The following FCHO1 variants were observed in gnomAD, a reference collection of about 807,000 sequenced individuals.
The protein encoded by FCHO1 is FCH and mu domain containing endocytic adaptor 1.
Under a neutral mutation model 114.4 loss-of-function variants are expected in FCHO1, and 45 were observed. That is an observed-to-expected ratio of 0.39 (90% CI 0.31 to 0.50). FCHO1 has a LOEUF of 0.50. Among genes scored for constraint, FCHO1 ranks in the 20% least tolerant of loss-of-function variants. The pLI, the probability that FCHO1 is intolerant of heterozygous loss-of-function variation, is 0.77. For synonymous variants in FCHO1, 480 were observed against 488.9 expected (o/e 0.98, Z 0.24); for missense variants, 1,042 against 1,209.6 (o/e 0.86, Z 2.06).
chr19:17,772,026 G>T (rs760342521), intron 9 of FCHO1, among the ~76,000 whole-genome samples: 5 of 152,146 alleles, frequency 3.3e-5, no homozygotes, highest in Admixed American at 1.3e-4. Context: ...GCCCAGACTG[G>T]TCTTGAATTC....
At chr19:17,771,678 AAAAAT>A (rs1011177125) in intron 9 of FCHO1, among the ~76,000 whole-genome samples, 18 of 152,054 alleles carry the variant, frequency 1.2e-4, no homozygotes, top group Admixed American at 1.1e-3. Flanking sequence ...CAAAAAAATA[AAAAAT>A]AAAATAAAAA....
At chr19:17,748,839 C>T (rs59404354), upstream of FCHO1, among the ~76,000 whole-genome samples, 4,065 of 152,262 alleles carry the variant, frequency 0.027, 164 homozygotes, top group African/African-American at 0.092. Flanking sequence ...TCTGAACTCA[C>T]CCAGCCCACA....
intron 6 of FCHO1, among the ~76,000 whole-genome samples, chr19:17,765,066 G>GAA (rs574969255): frequency 5.5e-5 from 5 of 90,496 alleles, no homozygotes; most frequent in Non-Finnish European, 9.2e-5. Flanking sequence ...ACTCTGTTTT[G>GAA]AAAAAAAAAA....
At chr19:17,768,651 G>A (rs1006561950) in intron 7 of FCHO1, among the ~76,000 whole-genome samples, 2 of 148,930 alleles carry the variant, frequency 1.3e-5, no homozygotes, top group African/African-American at 2.5e-5. Flanking sequence ...TTGAGATCGC[G>A]ACACACCACT....
At chr19:17,756,489 G>A (rs1255483945) in intron 4 of FCHO1, among the ~76,000 whole-genome samples, 2 of 152,130 alleles carry the variant, frequency 1.3e-5, no homozygotes, top group Non-Finnish European at 2.9e-5. Flanking sequence ...AACCACCCCC[G>A]ACTTCCCCAC....
At chr19:17,786,509 G>A in intron 26 of FCHO1, 65 bp from the exon 27 acceptor site, 2 of 1,560,810 alleles carry the variant, frequency 1.3e-6, no homozygotes, top group Middle Eastern at 1.7e-4. Context: ...AGGCAGCTGA[G>A]GCAGGACCCT....
intron 11 of FCHO1, among the ~76,000 whole-genome samples, chr19:17,773,399 C>T (rs992303236): frequency 1.3e-5 from 2 of 152,240 alleles, no homozygotes; most frequent in Non-Finnish European, 2.9e-5. Context: ...ACAGTTACGT[C>T]CTCAAGTCTT....
At chr19:17,782,866 T>G (rs1599773288) in intron 23 of FCHO1, 151 bp from the exon 24 acceptor site, 8 of 783,934 alleles carry the variant, frequency 1.0e-5, no homozygotes, top group East Asian at 2.9e-5. Flanking sequence ...AAAGAGGAGG[T>G]TGGGGGAAAG....
chr19:17,785,917 C>T (rs2093841909), intron 26 of FCHO1, among the ~76,000 whole-genome samples: 1 of 151,704 alleles, frequency 6.6e-6, no homozygotes, highest in Non-Finnish European at 1.5e-5. Flanking sequence ...CACTTGAGCC[C>T]AGGAGTTGAG....
chr19:17,747,825 C>A (rs982887446), upstream of FCHO1: 1 of 152,148 alleles, frequency 6.6e-6, no homozygotes, highest in African/African-American at 2.4e-5. Context: ...GTGAGTGTTG[C>A]CCCCCGGAAC....
chr19:17,777,925 G>T (rs554907147), intron 18 of FCHO1, among the ~76,000 whole-genome samples: 48 of 152,314 alleles, frequency 3.2e-4, no homozygotes, highest in Non-Finnish European at 6.3e-4. Context: ...TGTAATCCCA[G>T]CTACTCTGGA....
rs759888511 is a variant in FCHO1 at position 17,767,563 on chromosome 19, T to TC, written c.336+753_336+754insC. On this transcript the variant is annotated intron_variant, in intron 7 of 28. Coordinates refer to ENST00000596536, the MANE Select transcript of FCHO1 (RefSeq NM_015122.3). ...GCCTAGGCAACAGAGAAAGACTGTC[T>TC]AAAAAAAAAAAAAAAAAAAACAAGA... Among the ~76,000 whole-genome samples, 1,010 of 114,286 alleles carry TC rather than the reference T, an allele frequency of 8.8e-3. 39 individuals are homozygous for TC. The highest frequency in any genetic ancestry group is 0.038 in the East Asian group (153 of 4,074). The allele number at this position is 114,286 out of a possible 152,430, so 75.0% of individuals were successfully genotyped here. A position where few individuals can be genotyped will look rare whatever the true frequency, so the allele number is the denominator to read the frequency against.
At chr19:17,766,125 T>C (rs994556505) in intron 6 of FCHO1, among the ~76,000 whole-genome samples, 2 of 151,106 alleles carry the variant, frequency 1.3e-5, no homozygotes, top group Non-Finnish European at 2.9e-5. Flanking sequence ...CTCCTGACCT[T>C]GTGATCTGCC....
chr19:17,763,422 T>C (rs1041013104), intron 5 of FCHO1, among the ~76,000 whole-genome samples: 5 of 151,588 alleles, frequency 3.3e-5, no homozygotes. Flanking sequence ...TGCCACCACG[T>C]CTGGCTAATT....
chr19:17,775,641 C>G lies in FCHO1; in HGVS notation c.1003+128C>G. 1.1e-6 allele frequency: 1 copy of G among 922,178 alleles called. No individual in the cohort carries two copies. The allele number at this position is 922,178 out of a possible 1,614,324, so 57.1% of individuals were successfully genotyped here. On this transcript the variant is annotated intron_variant, in intron 15 of 28. Coordinates refer to ENST00000596536, the MANE Select transcript of FCHO1 (RefSeq NM_015122.3). The surrounding 1 kb of genome is among the most constrained non-coding windows in gnomAD (Gnocchi z 5.1). ...GAGAGAGTCTCCTTTGTGGATGAAGCCAACCTAAATGTAAACACCCACTCT... is the reference window on the plus strand; with the variant it reads ...GAGAGAGTCTCCTTTGTGGATGAAGGCAACCTAAATGTAAACACCCACTCT...
At chr19:17,778,350 A>G (rs534535830) in intron 19 of FCHO1, 122 bp downstream of exon 19, 5 of 542,580 alleles carry the variant, frequency 9.2e-6, no homozygotes, top group South Asian at 6.6e-5. Context: ...TAGTCCGTGT[A>G]GGGGTGGGCG....
chr19:17,749,352 G>C (rs1019710015), upstream of FCHO1, among the ~76,000 whole-genome samples: 1 of 152,178 alleles, frequency 6.6e-6, no homozygotes, highest in African/African-American at 2.4e-5. Flanking sequence ...CCTCTGGGAA[G>C]ATGGGAGGAG....
chr19:17,784,808 G>GCT lies in FCHO1; in HGVS notation c.2310_2311insCT (p.Glu771LeufsTer29). ...GAGCCACCCTCACCCAGGTCTCAGTGGAGTACGGCTACCGGCCCGGTGCCA... is the reference window on the plus strand; with the variant it reads ...GAGCCACCCTCACCCAGGTCTCAGTGCTGAGTACGGCTACCGGCCCGGTGCCA... On this transcript the variant is annotated frameshift_variant, in exon 26 of 29. Transcript: ENST00000596536. LOFTEE classifies it high-confidence loss of function. The surrounding 1 kb of genome is among the most constrained non-coding windows in gnomAD (Gnocchi z 5.3). 2 of 1,614,108 alleles carry GCT rather than the reference G, an allele frequency of 1.2e-6. No homozygotes were observed. The highest frequency in any genetic ancestry group is 1.7e-6 in the Non-Finnish European group (2 of 1,180,044).
intron 23 of FCHO1, 64 bp downstream of exon 23, chr19:17,781,884 G>T: frequency 9.3e-7 from 1 of 1,077,858 alleles, no homozygotes; most frequent in South Asian, 1.5e-5. Context: ...AGCAGGGACA[G>T]CTTTCAGATG....
Sources: allele counts gnomAD v4.1 joint callset (sites outside exome capture counted in the v4.1 genomes callset), GRCh38; gene constraint gnomAD v4.1.1; non-coding constraint Gnocchi (gnomAD v3.1); transcripts MANE v1.5; gene names NCBI Gene and HGNC (gene_info 2026-07-23, HGNC 2026-07-21).